AGR3: variants seen among roughly 807,000 people sequenced by gnomAD.
AGR3 encodes the protein anterior gradient protein 3.
AGR3 carries 37 observed loss-of-function variants against 24.5 expected under a neutral mutation model. The ratio of observed to expected loss-of-function variants is 1.51; its 90% CI spans 1.16 to 1.99. AGR3 has a LOEUF of 1.99. Among genes scored for constraint, AGR3 ranks in the 30% most tolerant of loss-of-function variants. AGR3 has a pLI of 0.00. For missense variants in AGR3, 228 were observed against 191.1 expected (o/e 1.19, Z -1.14); for synonymous variants, 75 against 61.6 (o/e 1.22, Z -1.02).
At chr7:16,865,505 T>C in intron 3 of AGR3, 1 of 710,770 alleles carries the variant, frequency 1.4e-6, no homozygotes. Context: ...ACAAGAAACT[T>C]TGATTATTTT....
intron 3 of AGR3, chr7:16,864,472 C>T: frequency 7.9e-7 from 1 of 1,271,444 alleles, no homozygotes; most frequent in South Asian, 1.2e-5. Context: ...TTCATCTCCA[C>T]TGTCAGGGTC....
chr7:16,868,643 C>G (rs891874949), intron 3 of AGR3, among the ~76,000 whole-genome samples: 1 of 151,988 alleles, frequency 6.6e-6, no homozygotes, highest in Non-Finnish European at 1.5e-5. Flanking sequence ...TGTACAGAAG[C>G]TTTTTAGTTT....
At chr7:16,871,395 C>G (rs1313356517) in intron 3 of AGR3, among the ~76,000 whole-genome samples, 1 of 151,832 alleles carries the variant, frequency 6.6e-6, no homozygotes, top group Non-Finnish European at 1.5e-5. Flanking sequence ...AACTAAAATG[C>G]TTTTTTTTGA....
chr7:16,881,267 T>C (rs1187307111), intron 1 of AGR3, among the ~76,000 whole-genome samples: 1 of 152,244 alleles, frequency 6.6e-6, no homozygotes, highest in East Asian at 1.9e-4. Flanking sequence ...GTCAAATACT[T>C]TCTAATTAAA....
downstream of AGR3, among the ~76,000 whole-genome samples, chr7:16,856,685 C>G (rs928291121): frequency 6.6e-6 from 1 of 152,138 alleles, no homozygotes; most frequent in Non-Finnish European, 1.5e-5. Context: ...TAGAATTGTG[C>G]ATACTATTTC....
At position 16,862,009 on chromosome 7, in the gene AGR3, T is replaced by C. The variant is rs759133529; in HGVS notation, c.278A>G (p.Asn93Ser). ...QNEEIQEMAQNKFIMLNLMHE... is the reference protein window; with the variant it reads ...QNEEIQEMAQSKFIMLNLMHE... ...CATAAGGTTTAGCATGATGAACTTA[T>C]TCTGAGCCATTTCTTGTATTTCTTC... is the stretch of plus-strand genomic sequence containing the variant. Residue 93 changes from asparagine to serine, a missense_variant, in exon 5 of 8, where the codon AAT (asparagine) becomes AGT (serine). Transcript: ENST00000310398. The C allele has an allele frequency of 4.3e-6, 7 of 1,613,440 alleles. No individual in the cohort carries two copies. The South Asian group carries it at 4.4e-5, about 10-fold the overall frequency.
intron 3 of AGR3, among the ~76,000 whole-genome samples, chr7:16,870,985 C>G (rs1320543624): frequency 6.6e-6 from 1 of 152,080 alleles, no homozygotes; most frequent in African/African-American, 2.4e-5. Flanking sequence ...ATATGTTTCT[C>G]AGCTTCATTC....
At chr7:16,879,771 A>AT (rs1782066521) in intron 1 of AGR3, among the ~76,000 whole-genome samples, 1 of 152,248 alleles carries the variant, frequency 6.6e-6, no homozygotes, top group Admixed American at 6.5e-5. Flanking sequence ...GAAAAGATAT[A>AT]TAAGACACAA....
intron 1 of AGR3, among the ~76,000 whole-genome samples, chr7:16,879,655 A>G (rs1475291878): frequency 1.3e-5 from 2 of 152,224 alleles, no homozygotes; most frequent in East Asian, 3.8e-4. Flanking sequence ...CTCATCACCA[A>G]AATAGTAAAA....
At chr7:16,859,672 A>G (rs1781603749) in intron 7 of AGR3, 41 bp from the exon 8 acceptor site, 1 of 1,296,306 alleles carries the variant, frequency 7.7e-7, no homozygotes, top group African/African-American at 1.5e-5. Context: ...TTAATAAATG[A>G]AAGTACAAAT....
chr7:16,879,011 C>A (rs1216884819), intron 1 of AGR3, among the ~76,000 whole-genome samples: 1 of 152,170 alleles, frequency 6.6e-6, no homozygotes, highest in Non-Finnish European at 1.5e-5. Flanking sequence ...TATGAAGTGA[C>A]TTTTAGCATG....
chr7:16,881,391 C>G (rs1782114059), intron 1 of AGR3, among the ~76,000 whole-genome samples: 1 of 152,146 alleles, frequency 6.6e-6, no homozygotes. Context: ...ATAAATAACG[C>G]TTTCCTTGGT....
At chr7:16,878,321 T>C (rs1378817943) in intron 2 of AGR3, among the ~76,000 whole-genome samples, 189 bp downstream of exon 2, 1 of 152,244 alleles carries the variant, frequency 6.6e-6, no homozygotes, top group Non-Finnish European at 1.5e-5. Flanking sequence ...TGTTTGCTAG[T>C]TGATTTGATT....
chr7:16,868,062 A>T (rs978758249), intron 3 of AGR3, among the ~76,000 whole-genome samples: 1 of 152,052 alleles, frequency 6.6e-6, no homozygotes, highest in African/African-American at 2.4e-5. Context: ...GCCTTTCTAA[A>T]AGGAGTGAGG....
chr7:16,865,422 A>G (rs1781738400), intron 3 of AGR3: 1 of 912,342 alleles, frequency 1.1e-6, no homozygotes, highest in Non-Finnish European at 1.8e-6. Context: ...AAGAAATTTC[A>G]TCGTAATTGT....
intron 4 of AGR3, 138 bp from the exon 5 acceptor site, chr7:16,862,198 T>C (rs961821215): frequency 1.7e-4 from 112 of 652,110 alleles, no homozygotes; most frequent in African/African-American, 1.7e-3. Flanking sequence ...ATTGGCCTAT[T>C]GCCACTTTGT....
intron 1 of AGR3, among the ~76,000 whole-genome samples, chr7:16,881,191 G>T (rs1484310964): frequency 6.6e-6 from 1 of 152,170 alleles, no homozygotes; most frequent in African/African-American, 2.4e-5. Flanking sequence ...CTATTTTAAA[G>T]CTGCGAAGCT....
chr7:16,862,570 A>G, intron 4 of AGR3, 40 bp downstream of exon 4: 1 of 1,244,730 alleles, frequency 8.0e-7, no homozygotes, highest in Non-Finnish European at 1.1e-6. Flanking sequence ...TATATTGGAA[A>G]TATTATATAT....
At chr7:16,863,816 T>C (rs903493041) in intron 3 of AGR3, among the ~76,000 whole-genome samples, 1 of 152,116 alleles carries the variant, frequency 6.6e-6, no homozygotes, top group Non-Finnish European at 1.5e-5. Flanking sequence ...TTTAGATTGT[T>C]CCTAAACATT....
Sources: allele counts gnomAD v4.1 joint callset (sites outside exome capture counted in the v4.1 genomes callset), GRCh38; gene constraint gnomAD v4.1.1; transcripts MANE v1.5; gene names NCBI Gene and HGNC (gene_info 2026-07-23, HGNC 2026-07-21).